Variants in ATP6V1C1 observed in about 807,000 individuals in gnomAD.
The protein encoded by ATP6V1C1 is V-type proton ATPase subunit C 1.
A neutral mutation model predicts 53.9 loss-of-function variants in ATP6V1C1; 45 were observed. The observed-to-expected ratio is 0.83, with a 90% CI of 0.66 to 1.07. The LOEUF is 1.07. ATP6V1C1 is among the 50% of genes least tolerant of loss of function. The pLI is 0.00. For synonymous variants in ATP6V1C1, 153 were observed against 155.2 expected, an observed-to-expected ratio of 0.99 and a Z score of 0.11; for missense variants, 315 against 440.3, an observed-to-expected ratio of 0.72 and a Z score of 2.55.
At chr8:103,034,820 C>G (rs1203294758) in intron 1 of ATP6V1C1, among the ~76,000 whole-genome samples, 5 of 152,146 alleles carry the variant, frequency 3.3e-5, no homozygotes, top group Non-Finnish European at 5.9e-5. Context: ...ATCTGCCTGC[C>G]TCAGCCTCCC....
chr8:103,022,477 A>T (rs1277125374), intron 1 of ATP6V1C1, among the ~76,000 whole-genome samples: 3 of 152,060 alleles, frequency 2.0e-5, no homozygotes, highest in Non-Finnish European at 4.4e-5. Flanking sequence ...AGGGTTTAGA[A>T]AATTGTCTTT....
intron 1 of ATP6V1C1, among the ~76,000 whole-genome samples, chr8:103,028,120 T>C (rs367847767): frequency 1.3e-5 from 2 of 152,074 alleles, no homozygotes; most frequent in East Asian, 3.9e-4. Flanking sequence ...GTGGGAGAAG[T>C]AGTGGGATTA....
At chr8:103,046,946 C>G (rs548131870) in intron 3 of ATP6V1C1, among the ~76,000 whole-genome samples, 2 of 152,240 alleles carry the variant, frequency 1.3e-5, no homozygotes, top group South Asian at 4.1e-4. Context: ...GGTGATTCTA[C>G]ACTCTGAAGT....
intron 8 of ATP6V1C1, among the ~76,000 whole-genome samples, chr8:103,060,095 G>A (rs895146335): frequency 6.6e-6 from 1 of 151,150 alleles, no homozygotes; most frequent in Admixed American, 6.6e-5. Flanking sequence ...AGCTTCCCAA[G>A]TAGCTGGGAT....
At chr8:103,046,945 A>G (rs1174781316) in intron 3 of ATP6V1C1, among the ~76,000 whole-genome samples, 1 of 152,180 alleles carries the variant, frequency 6.6e-6, no homozygotes, top group African/African-American at 2.4e-5. Context: ...AGGTGATTCT[A>G]CACTCTGAAG....
At chr8:103,067,453 A>G (rs1281798712) in intron 12 of ATP6V1C1, among the ~76,000 whole-genome samples, 1 of 151,512 alleles carries the variant, frequency 6.6e-6, no homozygotes, top group Non-Finnish European at 1.5e-5. Context: ...CTGGTTTTAA[A>G]TATCTTGCTG....
intron 1 of ATP6V1C1, among the ~76,000 whole-genome samples, chr8:103,028,986 TTTTG>T (rs1355095679): frequency 6.6e-6 from 1 of 152,164 alleles, no homozygotes; most frequent in Non-Finnish European, 1.5e-5. Context: ...TGGGACATTT[TTTTG>T]TTTGTGTTTA....
intron 1 of ATP6V1C1, among the ~76,000 whole-genome samples, chr8:103,023,905 T>TTG (rs1225971874): frequency 1.3e-5 from 2 of 149,718 alleles, no homozygotes; most frequent in Non-Finnish European, 3.0e-5. Context: ...CATTTTTTTT[T>TTG]GGGGGGGGGG....
intron 1 of ATP6V1C1, among the ~76,000 whole-genome samples, chr8:103,033,466 C>G (rs898938236): frequency 4.6e-5 from 7 of 152,154 alleles, no homozygotes; most frequent in Non-Finnish European, 8.8e-5. Context: ...CAAATATCTT[C>G]TGAGATTCTA....
intron 5 of ATP6V1C1, 97 bp from the exon 6 acceptor site, chr8:103,052,634 T>G (rs1817220219): frequency 3.5e-6 from 2 of 579,704 alleles, no homozygotes; most frequent in Non-Finnish European, 5.5e-6. Flanking sequence ...AACTAGTGGG[T>G]TTTTTTGTAG....
intron 11 of ATP6V1C1, 49 bp from the exon 12 acceptor site, chr8:103,066,272 C>G: frequency 1.9e-6 from 3 of 1,559,660 alleles, no homozygotes; most frequent in Non-Finnish European, 2.6e-6. Context: ...AAGAAAATCT[C>G]TTTACATGTT....
intron 3 of ATP6V1C1, among the ~76,000 whole-genome samples, chr8:103,045,795 T>G (rs1323858422): frequency 2.0e-5 from 3 of 151,834 alleles, no homozygotes; most frequent in Admixed American, 6.6e-5. Context: ...CAAAAAATTA[T>G]CCAGGTGTGG....
chr8:103,065,149 T>G (rs1230489274), intron 11 of ATP6V1C1, among the ~76,000 whole-genome samples: 1 of 152,258 alleles, frequency 6.6e-6, no homozygotes, highest in Non-Finnish European at 1.5e-5. Flanking sequence ...AGTATGCTAA[T>G]GACTTATTGA....
At chr8:103,054,283 A>G (rs1355145907) in intron 7 of ATP6V1C1, among the ~76,000 whole-genome samples, 2 of 152,076 alleles carry the variant, frequency 1.3e-5, no homozygotes, top group Non-Finnish European at 2.9e-5. Flanking sequence ...CAGATTTTAG[A>G]TTTCTCAAAA....
At chr8:103,053,161 T>C (rs1310424048) in intron 6 of ATP6V1C1, among the ~76,000 whole-genome samples, 2 of 152,030 alleles carry the variant, frequency 1.3e-5, no homozygotes, top group African/African-American at 4.8e-5. Flanking sequence ...TAATTACCTA[T>C]CACTTAACTA....
intron 1 of ATP6V1C1, among the ~76,000 whole-genome samples, chr8:103,021,920 G>T (rs762417654): frequency 1.3e-5 from 2 of 152,116 alleles, no homozygotes; most frequent in Non-Finnish European, 1.5e-5. Context: ...CTTTTCAGAG[G>T]AAAATTCTGG....
At position 103,069,259 on chromosome 8, in the gene ATP6V1C1, G is replaced by C. The variant is rs760678137; in HGVS notation, c.*512G>C. 6.6e-6 allele frequency: 1 copy of C among 152,210 alleles called. No individual in the cohort carries two copies. The allele number at this position is 152,210 out of a possible 1,614,324, so 9.4% of individuals were successfully genotyped here. On this transcript the variant is annotated 3_prime_UTR_variant, in exon 13 of 13. Transcript: ENST00000518738. The stretch of plus-strand genomic sequence containing the variant: ...GAGCACTGTCAACACCCACAGGAGA[G>C]AATAAAATTACCTGTGCAAAGGTGT...
At chr8:103,033,912 A>G (rs1816844058) in intron 1 of ATP6V1C1, among the ~76,000 whole-genome samples, 1 of 152,226 alleles carries the variant, frequency 6.6e-6, no homozygotes, top group African/African-American at 2.4e-5. Flanking sequence ...GGGTACACCT[A>G]TACTAACTCA....
chr8:103,049,553 G>A (rs1420762454), intron 4 of ATP6V1C1, among the ~76,000 whole-genome samples: 1 of 152,140 alleles, frequency 6.6e-6, no homozygotes, highest in South Asian at 2.1e-4. Context: ...GTTGTCATTT[G>A]TACTTGCATT....
Sources: gnomAD v4.1 joint callset for allele counts (sites outside exome capture counted in the v4.1 genomes callset) on GRCh38, gnomAD v4.1.1 for gene constraint, MANE v1.5 for transcripts, NCBI Gene and HGNC (gene_info 2026-07-23, HGNC 2026-07-21) for gene names.